The following CECR2 variants were observed in gnomAD, a reference collection of about 807,000 sequenced individuals.
CECR2 encodes chromatin remodeling regulator CECR2.
A neutral mutation model predicts 154.5 loss-of-function variants in CECR2; 30 were observed. The ratio of observed to expected loss-of-function variants is 0.19; its 90% CI spans 0.15 to 0.26. CECR2 has a LOEUF of 0.26. Ranked by LOEUF, CECR2 falls within the 10% of genes least tolerant of loss-of-function variation. CECR2 has a pLI of 1.00. For synonymous variants in CECR2, 725 were observed against 683.7 expected (o/e 1.06, Z -0.94); for missense variants, 1,743 against 1,829.3 (o/e 0.95, Z 0.86).
At chr22:17,378,761 T>C (rs1292787839) in intron 1 of CECR2, among the ~76,000 whole-genome samples, 2 of 152,164 alleles carry the variant, frequency 1.3e-5, no homozygotes, top group Non-Finnish European at 2.9e-5. Context: ...GACTTTTCAG[T>C]GTTGGTCATT....
intron 9 of CECR2, among the ~76,000 whole-genome samples, chr22:17,532,197 A>G (rs565932989): frequency 1.1e-3 from 172 of 152,286 alleles, no homozygotes; most frequent in Non-Finnish European, 2.0e-3. Flanking sequence ...AGTGGGTTGC[A>G]TTTTGAATTT....
At chr22:17,470,658 C>T (rs1236036714) in intron 1 of CECR2, among the ~76,000 whole-genome samples, 1 of 145,346 alleles carries the variant, frequency 6.9e-6, no homozygotes, top group Non-Finnish European at 1.5e-5. Context: ...TTTCCTTGTC[C>T]GTTTTTCTCC....
At chr22:17,428,814 GTGTGTGTGTGTGTA>G (rs2054373334) in intron 1 of CECR2, among the ~76,000 whole-genome samples, 2 of 150,714 alleles carry the variant, frequency 1.3e-5, no homozygotes, top group Admixed American at 1.3e-4. Context: ...GTGTGTGTGT[GTGTGTGTGTGTGTA>G]TATAAAGGCA....
chr22:17,512,963 T>A (rs1234054364), intron 8 of CECR2, among the ~76,000 whole-genome samples: 1 of 152,108 alleles, frequency 6.6e-6, no homozygotes, highest in East Asian at 1.9e-4. Context: ...TTAGGTCACA[T>A]GAAAGAGAGA....
rs1314163286 is a variant in CECR2, at chr22:17,419,504, AGAGGAG to A, written c.126+49598_126+49603del. The A allele has an allele frequency of 4.5e-3, 737 of 162,564 alleles. 6 individuals are homozygous for A. The highest frequency in any genetic ancestry group is 0.032 in the African/African-American group (697 of 21,546). The allele number at this position is 162,564 out of a possible 1,614,324, so 10.1% of individuals were successfully genotyped here. ...AAACAGAGCCTCATCAGGAAGAGGA[AGAGGAG>A]GAAGAAGAAGAAGAAGAAGAGGAAG... is the stretch of plus-strand genomic sequence containing the variant. On this transcript the variant is annotated intron_variant, in intron 1 of 18. Coordinates refer to ENST00000262608, the MANE Select transcript of CECR2 (RefSeq NM_001290047.2).
chr22:17,531,121 A>T (rs2056348161), intron 9 of CECR2, among the ~76,000 whole-genome samples: 5 of 152,254 alleles, frequency 3.3e-5, no homozygotes, highest in Admixed American at 2.0e-4. Context: ...GTTGGGGTCC[A>T]GCCTTGAAAA....
At chr22:17,402,365 A>G (rs150357757) in intron 1 of CECR2, among the ~76,000 whole-genome samples, 1 of 152,384 alleles carries the variant, frequency 6.6e-6, no homozygotes, top group African/African-American at 2.4e-5. Context: ...CAGCACAGAG[A>G]AAGACTTCAT....
At chr22:17,515,967 G>A (rs930318784) in intron 8 of CECR2, among the ~76,000 whole-genome samples, 4 of 152,168 alleles carry the variant, frequency 2.6e-5, no homozygotes, top group African/African-American at 7.2e-5. Context: ...GAGCCACCAC[G>A]CCCGGCCAGT....
At chr22:17,404,364 CTTTCTTTT>C (rs1374500467) in intron 1 of CECR2, among the ~76,000 whole-genome samples, 9 of 59,608 alleles carry the variant, frequency 1.5e-4, no homozygotes, top group Non-Finnish European at 2.2e-4. Context: ...GGACCCTGTT[CTTTCTTTT>C]TTTTTTTTTT....
intron 8 of CECR2, among the ~76,000 whole-genome samples, chr22:17,512,661 C>T (rs1176362426): frequency 1.3e-5 from 2 of 148,536 alleles, no homozygotes; most frequent in East Asian, 2.0e-4. Flanking sequence ...TACGATCGCA[C>T]CACTGCACTC....
At chr22:17,534,724 G>A (rs2056411563) in intron 9 of CECR2, 1 of 146,638 alleles carries the variant, frequency 6.8e-6, no homozygotes, top group Non-Finnish European at 1.5e-5. Context: ...GTAGAGACAG[G>A]GTTTCACTGT....
At chr22:17,481,484 C>T (rs2055317560) in intron 2 of CECR2, among the ~76,000 whole-genome samples, 1 of 152,018 alleles carries the variant, frequency 6.6e-6, no homozygotes, top group Admixed American at 6.6e-5. Context: ...TCATGAAACA[C>T]TATGCCTAGT....
At chr22:17,509,457 C>A (rs532278206) in intron 7 of CECR2, among the ~76,000 whole-genome samples, 93 of 149,874 alleles carry the variant, frequency 6.2e-4, no homozygotes, top group African/African-American at 2.3e-3. Context: ...GAGACAGGGA[C>A]CTTACTCTGT....
intron 7 of CECR2, among the ~76,000 whole-genome samples, chr22:17,510,078 A>C (rs1392973475): frequency 6.6e-5 from 10 of 152,222 alleles, no homozygotes; most frequent in Non-Finnish European, 1.5e-5. Flanking sequence ...ATTTCTCAAC[A>C]AATAAATTGA....
intron 5 of CECR2, 150 bp downstream of exon 5, chr22:17,500,885 T>C: frequency 1.7e-6 from 1 of 602,584 alleles, no homozygotes. Flanking sequence ...ACATGTGCAG[T>C]ACAGTCAGGA....
At chr22:17,414,040 T>A (rs943233325) in intron 1 of CECR2, among the ~76,000 whole-genome samples, 2 of 150,264 alleles carry the variant, frequency 1.3e-5, no homozygotes, top group East Asian at 3.9e-4. Flanking sequence ...TGGTGCAATC[T>A]CCGCTCACTG....
intron 1 of CECR2, among the ~76,000 whole-genome samples, chr22:17,394,455 T>C (rs2053778447): frequency 6.6e-6 from 1 of 151,964 alleles, no homozygotes; most frequent in African/African-American, 2.4e-5. Flanking sequence ...GTGATGCTCC[T>C]GCGTAGGTTT....
In CECR2 at chr22:17,363,216, A is replaced by AT. The variant is rs769888131; in HGVS notation, c.-364+3206dup. 1.1e-3 allele frequency among the ~76,000 whole-genome samples: 160 copies of AT among 142,160 alleles called. No individual in the cohort carries two copies. In the East Asian group the frequency reaches 0.015, roughly 13 times the overall value. 93.3% of individuals were successfully genotyped at this position (142,160 alleles called of 152,430 possible). ...AGGCGCACCCTACCACACCTGGCTA[A>AT]TTTTTTTTTTTTTGAGTTGGGGTCT... On this transcript the variant is annotated intron_variant, in intron 1 of 18. Transcript: ENST00000400585.
At chr22:17,540,938 A>G (rs1225200765) in intron 14 of CECR2, 138 bp downstream of exon 14, 2 of 973,420 alleles carry the variant, frequency 2.1e-6, no homozygotes, top group East Asian at 2.9e-5. Context: ...TCCTTTGTTC[A>G]TGTGATTTTA....
Sources: gnomAD v4.1 joint callset for allele counts (sites outside exome capture counted in the v4.1 genomes callset) on GRCh38, gnomAD v4.1.1 for gene constraint, MANE v1.5 for transcripts, NCBI Gene and HGNC (gene_info 2026-07-23, HGNC 2026-07-21) for gene names.